G3BP1: variants seen among roughly 807,000 people sequenced by gnomAD.
The protein encoded by G3BP1 is G3BP stress granule assembly factor 1.
G3BP1 carries 35 observed loss-of-function variants against 58.6 expected under a neutral mutation model. The observed-to-expected ratio is 0.60, with a 90% CI of 0.46 to 0.79. The LOEUF (loss-of-function observed/expected upper bound fraction) is 0.79, where lower values mean the gene tolerates loss of function less well. Among genes scored for constraint, G3BP1 ranks in the 30% least tolerant of loss-of-function variants. The pLI is 0.00. For synonymous variants in G3BP1, 191 were observed against 195.4 expected, an observed-to-expected ratio of 0.98 and a Z score of 0.19; for missense variants, 523 against 580.8, an observed-to-expected ratio of 0.90 and a Z score of 1.02.
At chr5:151,795,722 A>G (rs1448632893) in intron 6 of G3BP1, 147 bp downstream of exon 6, 2 of 527,868 alleles carry the variant, frequency 3.8e-6, no homozygotes, top group African/African-American at 1.9e-5. Flanking sequence ...GGTAATTTTG[A>G]CTAAACAAAA....
intron 2 of G3BP1, among the ~76,000 whole-genome samples, chr5:151,788,127 T>G (rs986849148): frequency 2.6e-5 from 4 of 152,088 alleles, no homozygotes; most frequent in Non-Finnish European, 5.9e-5. Flanking sequence ...TTGCCCAGGC[T>G]GATCTCGAAC....
At position 151,811,012 on chromosome 5, in the gene G3BP1, C is replaced by A. The variant is rs946999893; in HGVS notation, c.*6921C>A. On this transcript the variant is annotated 3_prime_UTR_variant, in exon 12 of 12. Coordinates refer to ENST00000356245, the MANE Select transcript of G3BP1 (RefSeq NM_005754.3). The stretch of plus-strand genomic sequence containing the variant: ...CAAAAACTTGTTCCTTCTTTCAGTT[C>A]ATGACATCATCCATGCTAAAGTCTG... The A allele has an allele frequency of 1.3e-5, 2 of 152,178 alleles. No homozygotes were observed. The highest frequency in any genetic ancestry group is 4.8e-5 in the African/African-American group (2 of 41,442). 9.4% of individuals were successfully genotyped at this position (152,178 alleles called of 1,614,324 possible).
chr5:151,796,639 C>T (rs1156512331), intron 6 of G3BP1, among the ~76,000 whole-genome samples: 2 of 152,128 alleles, frequency 1.3e-5, no homozygotes, highest in South Asian at 2.1e-4. Context: ...ACTATTTTCT[C>T]CCCCAAATTC....
chr5:151,782,682 G>A (rs1345243564), intron 1 of G3BP1, among the ~76,000 whole-genome samples: 1 of 151,778 alleles, frequency 6.6e-6, no homozygotes, highest in Non-Finnish European at 1.5e-5. Flanking sequence ...GAAATTTTTA[G>A]CATATATTTT....
intron 2 of G3BP1, among the ~76,000 whole-genome samples, chr5:151,788,558 C>A (rs1171380964): frequency 7.4e-6 from 1 of 135,216 alleles, no homozygotes; most frequent in South Asian, 2.4e-4. Context: ...ACTACCATGC[C>A]CAGCTAAGTT....
chr5:151,789,444 G>A (rs953114960), intron 2 of G3BP1, among the ~76,000 whole-genome samples: 4 of 152,194 alleles, frequency 2.6e-5, no homozygotes, highest in African/African-American at 9.6e-5. Context: ...GAGCATTTTG[G>A]TGTGTTGCTT....
chr5:151,772,835 C>T (rs966008898), intron 1 of G3BP1, among the ~76,000 whole-genome samples: 1 of 152,224 alleles, frequency 6.6e-6, no homozygotes, highest in African/African-American at 2.4e-5. Context: ...GCACTTGTCC[C>T]TCGGGGCAGC....
chr5:151,788,557 C>T (rs1473948422), intron 2 of G3BP1, among the ~76,000 whole-genome samples: 1 of 137,560 alleles, frequency 7.3e-6, no homozygotes, highest in Non-Finnish European at 1.6e-5. Flanking sequence ...CACTACCATG[C>T]CCAGCTAAGT....
chr5:151,789,910 C>G (rs1441251790), intron 2 of G3BP1, among the ~76,000 whole-genome samples: 1 of 152,194 alleles, frequency 6.6e-6, no homozygotes, highest in African/African-American at 2.4e-5. Flanking sequence ...CGCGGTGACT[C>G]ACACCTACAA....
At chr5:151,795,923 TATTTA>T (rs1399295773) in intron 6 of G3BP1, among the ~76,000 whole-genome samples, 3 of 152,228 alleles carry the variant, frequency 2.0e-5, no homozygotes, top group Non-Finnish European at 4.4e-5. Flanking sequence ...GACAGAGACC[TATTTA>T]ATTAGAGATC....
chr5:151,788,572 A>ATATGTGTGTGTGTG (rs1554080356), intron 2 of G3BP1, among the ~76,000 whole-genome samples: 11 of 133,238 alleles, frequency 8.3e-5, no homozygotes, highest in African/African-American at 3.3e-4. Flanking sequence ...CTAAGTTTAT[A>ATATGTGTGTGTGTG]TGTGTGTGTG....
chr5:151,794,155 G>T lies in G3BP1; in HGVS notation c.352-4G>T, dbSNP rs1257044581. On this transcript the variant is annotated splice_polypyrimidine_tract_variant and splice_region_variant and intron_variant, in intron 4 of 11. Transcript: ENST00000356245. ...TAAATTAAAACTTTCTGTTGGCATT[G>T]CAGGGGTCTGTTGCAAATAAATTCT... The T allele has an allele frequency of 1.3e-6, 2 of 1,570,176 alleles. No individual in the cohort carries two copies. The highest frequency in any genetic ancestry group is 1.7e-5 in the Admixed American group (1 of 59,924).
rs1303447719 is a variant in G3BP1, at chr5:151,811,581, ATGTT to A, written c.*7492_*7495del. The A allele has an allele frequency of 1.3e-5, 2 of 152,302 alleles. No individual in the cohort carries two copies. Among genetic ancestry groups the A allele is most frequent in the East Asian group, 3.9e-4 (2 of 5,188 alleles). The allele number at this position is 152,302 out of a possible 1,614,324, so 9.4% of individuals were successfully genotyped here. A position where few individuals can be genotyped will look rare whatever the true frequency, so the allele number is the denominator to read the frequency against. On this transcript the variant is annotated 3_prime_UTR_variant, in exon 12 of 12. Transcript: ENST00000356245. ...GTTCAATAAATATACTTTTATATAC[ATGTT>A]TCACAGAAATTTTACATTCCATCTT...
At chr5:151,782,818 C>T (rs1011759342) in intron 1 of G3BP1, among the ~76,000 whole-genome samples, 1 of 146,964 alleles carries the variant, frequency 6.8e-6, no homozygotes, top group African/African-American at 2.5e-5. Context: ...GGATTAGTAA[C>T]TGGCAAAACA....
At chr5:151,772,696 C>G (rs1456478894) in intron 1 of G3BP1, 3 of 152,294 alleles carry the variant, frequency 2.0e-5, no homozygotes, top group African/African-American at 7.2e-5. Context: ...CCTTCCTTAG[C>G]GGCCCAAGGC....
chr5:151,786,153 A>G (rs1762552288), intron 1 of G3BP1, among the ~76,000 whole-genome samples: 1 of 152,134 alleles, frequency 6.6e-6, no homozygotes. Flanking sequence ...GCCGGGCATG[A>G]TGGCGCTTGC....
At chr5:151,797,761 T>G (rs1458370829) in intron 7 of G3BP1, among the ~76,000 whole-genome samples, 2 of 152,224 alleles carry the variant, frequency 1.3e-5, no homozygotes, top group East Asian at 3.8e-4. Flanking sequence ...ACATACTTGT[T>G]ACTACAAGTG....
intron 11 of G3BP1, among the ~76,000 whole-genome samples, chr5:151,802,430 T>C (rs1762870445): frequency 6.6e-6 from 1 of 152,234 alleles, no homozygotes; most frequent in Non-Finnish European, 1.5e-5. Flanking sequence ...TATGTAAGAC[T>C]GATTGCCGTG....
intron 6 of G3BP1, 49 bp from the exon 7 acceptor site, chr5:151,797,178 G>A (rs759174280): frequency 2.0e-5 from 32 of 1,581,056 alleles, no homozygotes; most frequent in Non-Finnish European, 2.5e-5. Flanking sequence ...GGAATTTTTT[G>A]TGAAATAAAT....
Sources: allele counts gnomAD v4.1 joint callset (sites outside exome capture counted in the v4.1 genomes callset), GRCh38; gene constraint gnomAD v4.1.1; transcripts MANE v1.5; gene names NCBI Gene and HGNC (gene_info 2026-07-23, HGNC 2026-07-21).